Variants in SKAP1 observed in about 807,000 individuals in gnomAD.
SKAP1 encodes src kinase associated phosphoprotein 1.
SKAP1 carries 44 observed loss-of-function variants against 58.5 expected under a neutral mutation model. The observed-to-expected ratio is 0.75, with a 90% CI of 0.59 to 0.97. The LOEUF is 0.97. Ranked by LOEUF, SKAP1 falls within the 50% of genes least tolerant of loss-of-function variation. SKAP1 has a pLI of 0.00. For missense variants in SKAP1, 390 were observed against 435.2 expected (o/e 0.90, Z 0.92); for synonymous variants, 127 against 149.7 (o/e 0.85, Z 1.11).
At chr17:48,249,534 C>T (rs1414767144) in intron 4 of SKAP1, among the ~76,000 whole-genome samples, 1 of 151,864 alleles carries the variant, frequency 6.6e-6, no homozygotes, top group African/African-American at 2.4e-5. Context: ...ATTAGCTGGG[C>T]CTGGTGGCGT....
chr17:48,346,116 A>G (rs185800357), intron 3 of SKAP1, 110 bp from the exon 4 acceptor site: 162 of 566,630 alleles, frequency 2.9e-4, no homozygotes, highest in Admixed American at 1.6e-3. Context: ...TCGAAAAAAA[A>G]GTGTATCTTT....
At chr17:48,152,182 A>C (rs556689934) in intron 11 of SKAP1, among the ~76,000 whole-genome samples, 8 of 152,296 alleles carry the variant, frequency 5.3e-5, no homozygotes, top group African/African-American at 1.7e-4. Flanking sequence ...AATGTCTGCA[A>C]ATTTAAGCTT....
intron 4 of SKAP1, among the ~76,000 whole-genome samples, chr17:48,257,096 T>C (rs533677976): frequency 1.3e-5 from 2 of 152,226 alleles, no homozygotes; most frequent in Admixed American, 1.3e-4. Context: ...GCCTCACAAC[T>C]GTATGAGAGC....
intron 1 of SKAP1, among the ~76,000 whole-genome samples, chr17:48,397,363 C>G (rs2067434745): frequency 6.6e-6 from 1 of 152,142 alleles, no homozygotes; most frequent in African/African-American, 2.4e-5. Flanking sequence ...GTAGCTGGGA[C>G]TACAGGCGCA....
At chr17:48,165,201 G>A (rs1027488919) in intron 10 of SKAP1, among the ~76,000 whole-genome samples, 2 of 152,116 alleles carry the variant, frequency 1.3e-5, no homozygotes, top group Non-Finnish European at 2.9e-5. Context: ...TGGCCAAGTG[G>A]GTGTTAAAGA....
chr17:48,318,525 T>C (rs2066318985), intron 4 of SKAP1, among the ~76,000 whole-genome samples: 2 of 152,210 alleles, frequency 1.3e-5, no homozygotes, highest in Non-Finnish European at 2.9e-5. Flanking sequence ...AATGTAGGGA[T>C]AATACAAATG....
intron 1 of SKAP1, among the ~76,000 whole-genome samples, chr17:48,423,654 T>A (rs1458389457): frequency 6.6e-6 from 1 of 152,200 alleles, no homozygotes; most frequent in African/African-American, 2.4e-5. Flanking sequence ...ACTATTATGG[T>A]CAACAGCACA....
intron 4 of SKAP1, among the ~76,000 whole-genome samples, chr17:48,220,669 C>G (rs575631594): frequency 6.6e-6 from 1 of 150,918 alleles, no homozygotes; most frequent in Non-Finnish European, 1.5e-5. Flanking sequence ...CCAGCATGGC[C>G]AACATGGTGG....
At chr17:48,205,037 T>TTCTTTTTCTTTCTTTCTTTCTTTC (rs1567820039) in intron 4 of SKAP1, among the ~76,000 whole-genome samples, 1,688 of 54,124 alleles carry the variant, frequency 0.031, 30 homozygotes, top group Middle Eastern at 0.056. Flanking sequence ...CTTTCTTTCT[T>TTCTTTTTCTTTCTTTCTTTCTTTC]TCTCTCTCTC....
chr17:48,206,740 T>G (rs1489892053), intron 4 of SKAP1, among the ~76,000 whole-genome samples: 1 of 152,138 alleles, frequency 6.6e-6, no homozygotes, highest in Non-Finnish European at 1.5e-5. Flanking sequence ...TCAGAATGGA[T>G]GAAAAAGTTA....
chr17:48,368,134 A>G (rs1429689305), intron 2 of SKAP1, among the ~76,000 whole-genome samples: 1 of 152,164 alleles, frequency 6.6e-6, no homozygotes, highest in African/African-American at 2.4e-5. Flanking sequence ...CACAAAGAAC[A>G]CTTCTAAAAG....
chr17:48,234,472 C>T (rs1489030253), intron 4 of SKAP1, among the ~76,000 whole-genome samples: 1 of 152,104 alleles, frequency 6.6e-6, no homozygotes, highest in Non-Finnish European at 1.5e-5. Flanking sequence ...ACATGGACAC[C>T]TGTGAAGAAA....
chr17:48,295,523 T>G (rs367759717), intron 4 of SKAP1: 1 of 152,018 alleles, frequency 6.6e-6, no homozygotes, highest in African/African-American at 2.4e-5. Flanking sequence ...TCTTTTACAA[T>G]AAGCTTGCCG....
intron 4 of SKAP1, among the ~76,000 whole-genome samples, chr17:48,265,545 G>A (rs1256917011): frequency 6.6e-6 from 1 of 151,324 alleles, no homozygotes; most frequent in Non-Finnish European, 1.5e-5. Flanking sequence ...ATGACACTGT[G>A]GTGTGTGGTT....
rs145763943 is a variant in SKAP1, at chr17:48,390,396, T to C, written c.152+6284A>G. On this transcript the variant is annotated intron_variant, in intron 2 of 12. Coordinates refer to ENST00000336915, the MANE Select transcript of SKAP1 (RefSeq NM_003726.4). ...TGGTGATAAAAATGAAGGCAGTAAT[T>C]TCATACAGATGATCTTTTCACACAA... 8.5e-5 allele frequency among the ~76,000 whole-genome samples: 13 copies of C among 152,206 alleles called. No individual in the cohort carries two copies. In the East Asian group the frequency reaches 1.4e-3, roughly 16 times the overall value.
At chr17:48,443,469 T>TGTTTGTTG in the SKAP1 span, among the ~76,000 whole-genome samples, 1 of 151,094 alleles carries the variant, frequency 6.6e-6, no homozygotes, top group East Asian at 1.9e-4. Flanking sequence ...TCTGTTTGTT[T>TGTTTGTTG]GTTTGTTTGT....
intron 3 of SKAP1, among the ~76,000 whole-genome samples, chr17:48,347,601 G>T (rs2144335372): frequency 6.6e-6 from 1 of 152,230 alleles, no homozygotes; most frequent in East Asian, 1.9e-4. Context: ...TTATGAAAAA[G>T]AGAAATAAAA....
At chr17:48,385,210 G>A (rs1416644923) in intron 2 of SKAP1, among the ~76,000 whole-genome samples, 2 of 152,090 alleles carry the variant, frequency 1.3e-5, no homozygotes, top group Non-Finnish European at 2.9e-5. Context: ...TGCTCAATAG[G>A]AGCAGAAGCT....
At chr17:48,340,136 T>C (rs536406227) in intron 4 of SKAP1, among the ~76,000 whole-genome samples, 76 of 152,182 alleles carry the variant, frequency 5.0e-4, no homozygotes, top group African/African-American at 1.8e-3. Context: ...GCTGAGGTCA[T>C]GCCACTGCAC....
Sources: allele counts gnomAD v4.1 joint callset (sites outside exome capture counted in the v4.1 genomes callset), GRCh38; gene constraint gnomAD v4.1.1; transcripts MANE v1.5; gene names NCBI Gene and HGNC (gene_info 2026-07-23, HGNC 2026-07-21).